ATP11C: variants seen among roughly 807,000 people sequenced by gnomAD.
ATP11C encodes phospholipid-transporting ATPase IG.
Under a neutral mutation model 97.4 loss-of-function variants are expected in ATP11C, and 36 were observed. The observed-to-expected ratio is 0.37, with a 90% CI of 0.28 to 0.49. The LOEUF is 0.49. Among genes scored for constraint, ATP11C ranks in the 20% least tolerant of loss-of-function variants. The probability of loss-of-function intolerance (pLI) is 0.98; values close to 1 mark genes in which losing one functional copy is unlikely to be tolerated. For synonymous variants in ATP11C, 275 were observed against 290.9 expected (o/e 0.95, Z 0.56); for missense variants, 730 against 824.6 (o/e 0.89, Z 1.40).
chrX:139,808,343 A>T (rs1290323170), intron 5 of ATP11C, among the ~76,000 whole-genome samples: 1 of 112,150 alleles, frequency 8.9e-6, no homozygotes, highest in Non-Finnish European at 1.9e-5. Context: ...AATGACCAAG[A>T]ATTATCCAAA....
rs1169395249 is a variant in ATP11C at position 139,860,091 on chromosome X, C to T, written c.28-33268G>A. 1.8e-4 allele frequency among the ~76,000 whole-genome samples: 11 copies of T among 59,947 alleles called. 2 individuals carry two copies. In the East Asian group the frequency reaches 4.2e-3, roughly 23 times the overall value. The allele number at this position is 59,947 out of a possible 115,157, so 52.1% of individuals were successfully genotyped here. ...CTGCACTCCAGCCTGGGCGACAGAGCGAGACTCCGTCTCAAAAAAAAAAAA... is the reference window on the plus strand; with the variant it reads ...CTGCACTCCAGCCTGGGCGACAGAGTGAGACTCCGTCTCAAAAAAAAAAAA... On this transcript the variant is annotated intron_variant, in intron 1 of 29. Coordinates refer to ENST00000682941, the MANE Select transcript of ATP11C (RefSeq NM_001353812.2).
intron 5 of ATP11C, 60 bp from the exon 6 acceptor site, chrX:139,804,659 A>C: frequency 2.1e-6 from 2 of 968,200 alleles, no homozygotes; most frequent in Non-Finnish European, 2.8e-6. Flanking sequence ...CATTACACTC[A>C]TACAAAAGTC....
At chrX:139,841,238 G>A (rs2083825362) in intron 1 of ATP11C, among the ~76,000 whole-genome samples, 3 of 112,080 alleles carry the variant, frequency 2.7e-5, no homozygotes, top group South Asian at 7.4e-4. Flanking sequence ...TGTAATCAAC[G>A]GCACTATTTG....
At chrX:139,927,335 C>A (rs757340439) in intron 1 of ATP11C, among the ~76,000 whole-genome samples, 1 of 112,092 alleles carries the variant, frequency 8.9e-6, no homozygotes, top group Non-Finnish European at 1.9e-5. Context: ...GGCATGCTGG[C>A]TCTTGCCTGT....
chrX:139,820,078 CGGGCGGCTGAGACA>C (rs1373768971), intron 2 of ATP11C, among the ~76,000 whole-genome samples: 1 of 110,833 alleles, frequency 9.0e-6, no homozygotes, highest in African/African-American at 3.3e-5. Flanking sequence ...CCCAGCTACT[CGGGCGGCTGAGACA>C]GGAGAATCGC....
intron 23 of ATP11C, 83 bp downstream of exon 23, chrX:139,757,725 A>C: frequency 1.5e-6 from 1 of 654,453 alleles, no homozygotes; most frequent in Non-Finnish European, 2.2e-6. Flanking sequence ...ATACATCTCT[A>C]ATCTCTAGAA....
rs2081291097 is a variant in ATP11C at position 139,728,919 on chromosome X, G to A, written c.*47C>T. 4 of 1,202,717 alleles carry A rather than the reference G, an allele frequency of 3.3e-6. No homozygotes were observed. In the South Asian group the frequency reaches 7.2e-5, roughly 22 times the overall value. On this transcript the variant is annotated 3_prime_UTR_variant, in exon 30 of 30. Coordinates refer to ENST00000682941, the MANE Select transcript of ATP11C (RefSeq NM_001353812.2). ...TCTTTTTTAGCTGTAACCACTGTCAGTATGCTTGTAGGACAATAACATAGG... is the reference window on the plus strand; with the variant it reads ...TCTTTTTTAGCTGTAACCACTGTCAATATGCTTGTAGGACAATAACATAGG...
intron 1 of ATP11C, among the ~76,000 whole-genome samples, chrX:139,889,635 A>G (rs972800557): frequency 2.7e-5 from 3 of 110,844 alleles, no homozygotes; most frequent in African/African-American, 9.9e-5. Flanking sequence ...GAAAGAGCCA[A>G]CTATTTTAGG....
chrX:139,899,374 G>C (rs984067790), intron 1 of ATP11C, among the ~76,000 whole-genome samples: 2 of 109,477 alleles, frequency 1.8e-5, no homozygotes, highest in African/African-American at 6.7e-5. Flanking sequence ...CTACTCGGGA[G>C]GCTGAGGCAG....
rs151329421 is a variant in ATP11C, at chrX:139,856,701, G to A, written c.28-29878C>T. Among the ~76,000 whole-genome samples, 585 of 112,365 alleles carry A rather than the reference G, an allele frequency of 5.2e-3. 8 individuals are homozygous for A. Among genetic ancestry groups the A allele is most frequent in the African/African-American group, 0.017 (534 of 30,959 alleles). ...ATTTAAAGCCCGAAATCAAATAGCT[G>A]CAGGATTTGTCAATATTTTGGTGGG... On this transcript the variant is annotated intron_variant, in intron 1 of 29. Coordinates refer to ENST00000682941, the MANE Select transcript of ATP11C (RefSeq NM_001353812.2).
At chrX:139,905,394 G>GC (rs2084958695) in intron 1 of ATP11C, among the ~76,000 whole-genome samples, 1 of 112,001 alleles carries the variant, frequency 8.9e-6, no homozygotes, top group Non-Finnish European at 1.9e-5. Flanking sequence ...TTCATCTCAT[G>GC]CCATAGTCTC....
intron 1 of ATP11C, among the ~76,000 whole-genome samples, chrX:139,901,672 T>C (rs149826925): frequency 6.3e-5 from 7 of 111,575 alleles, no homozygotes; most frequent in Non-Finnish European, 1.1e-4. Flanking sequence ...AGATATTGTA[T>C]AGATTTGGAT....
intron 1 of ATP11C, among the ~76,000 whole-genome samples, chrX:139,919,504 T>G (rs1160452229): frequency 9.7e-6 from 1 of 102,597 alleles, no homozygotes; most frequent in African/African-American, 3.6e-5. Context: ...AACTACTTAT[T>G]TAAGTGAGGA....
intron 15 of ATP11C, 101 bp downstream of exon 15, chrX:139,787,072 G>A: frequency 1.8e-6 from 2 of 1,120,166 alleles, no homozygotes; most frequent in South Asian, 1.9e-5. Flanking sequence ...GCAGGGTCCT[G>A]TATTTTTAGT....
intron 1 of ATP11C, among the ~76,000 whole-genome samples, chrX:139,847,476 A>C (rs1044556819): frequency 1.0e-4 from 11 of 109,430 alleles, no homozygotes; most frequent in African/African-American, 3.7e-4. Context: ...AGGTGGGAGG[A>C]CTCTGCTTGA....
At chrX:139,912,117 G>A (rs1254173721) in intron 1 of ATP11C, among the ~76,000 whole-genome samples, 1 of 93,972 alleles carries the variant, frequency 1.1e-5, no homozygotes. Flanking sequence ...AGAGGGTGCA[G>A]TAAGCCAAGA....
chrX:139,761,536 C>T, intron 22 of ATP11C, among the ~76,000 whole-genome samples: 1 of 110,329 alleles, frequency 9.1e-6, no homozygotes, highest in Non-Finnish European at 1.9e-5. Context: ...CATATTATTG[C>T]CCAGGCTGGT....
At chrX:139,785,130 C>A in intron 16 of ATP11C, 96 bp downstream of exon 16, 1 of 642,863 alleles carries the variant, frequency 1.6e-6, no homozygotes, top group African/African-American at 2.2e-5. Context: ...TAATCCTACA[C>A]TACTACATGA....
In ATP11C at chrX:139,785,269, A is replaced by G. The variant is rs1280350766; in HGVS notation, c.1623T>C (p.Asp541=). Reference sequence around the variant, plus strand: ...TTACACTCATACGTCGCCGGACAGCATCAAAGTTTAAGGTGTGAAGAAGTT... The same window carrying G: ...TTACACTCATACGTCGCCGGACAGCGTCAAAGTTTAAGGTGTGAAGAAGTT... The part of the protein sequence containing the change: ...EYELLHTLNF[D]AVRRRMSVIV... The change falls in exon 16 of 30, where the codon GAT becomes GAC. Residue 541 remains aspartate, a synonymous_variant. Transcript: ENST00000682941. The G allele has an allele frequency of 4.1e-6, 5 of 1,207,824 alleles. No homozygotes were observed. The highest frequency in any genetic ancestry group is 5.6e-6 in the Non-Finnish European group (5 of 893,637).
Sources: gnomAD v4.1 joint callset for allele counts (sites outside exome capture counted in the v4.1 genomes callset) on GRCh38, gnomAD v4.1.1 for gene constraint, MANE v1.5 for transcripts, NCBI Gene and HGNC (gene_info 2026-07-23, HGNC 2026-07-21) for gene names.